Variants in ZBBX observed in about 807,000 individuals in gnomAD.
ZBBX encodes the protein zinc finger B-box domain containing.
In ZBBX, 101 loss-of-function variants were observed where a neutral mutation model predicts 108.5. That is an observed-to-expected ratio of 0.93 (90% CI 0.79 to 1.10). The LOEUF (loss-of-function observed/expected upper bound fraction) is 1.10, where lower values mean the gene tolerates loss of function less well. Among genes scored for constraint, ZBBX ranks in the 50% least tolerant of loss-of-function variants. ZBBX has a pLI of 0.00. For missense variants in ZBBX, 1,009 were observed against 941.4 expected (o/e 1.07, Z -0.94); for synonymous variants, 356 against 323.4 (o/e 1.10, Z -1.08).
At chr3:167,354,692 GC>G (rs1743231779) in intron 8 of ZBBX, among the ~76,000 whole-genome samples, 2 of 151,702 alleles carry the variant, frequency 1.3e-5, no homozygotes, top group African/African-American at 4.8e-5. Flanking sequence ...AATATATTCT[GC>G]ATAATTTTTA....
intron 6 of ZBBX, among the ~76,000 whole-genome samples, chr3:167,361,622 C>T (rs1420482710): frequency 6.6e-6 from 1 of 152,066 alleles, no homozygotes; most frequent in Non-Finnish European, 1.5e-5. Flanking sequence ...TTCAAAGGGG[C>T]AGTTATTTTT....
chr3:167,181,050 A>C, the ZBBX span, among the ~76,000 whole-genome samples: 2 of 152,156 alleles, frequency 1.3e-5, no homozygotes, highest in Admixed American at 6.5e-5. Context: ...GTTAGTGGCT[A>C]TTGTTCTATC....
intron 8 of ZBBX, among the ~76,000 whole-genome samples, chr3:167,358,371 G>T (rs1023699043): frequency 2.6e-5 from 4 of 151,856 alleles, no homozygotes; most frequent in Non-Finnish European, 4.4e-5. Context: ...CTAGGGGATG[G>T]GGGGAATGGG....
the ZBBX span, among the ~76,000 whole-genome samples, chr3:167,193,134 T>C: frequency 1.3e-5 from 2 of 152,174 alleles, no homozygotes; most frequent in South Asian, 2.1e-4. Flanking sequence ...TCAGAGATTC[T>C]CTGTAATTTA....
the ZBBX span, among the ~76,000 whole-genome samples, chr3:167,225,216 C>G: frequency 1.3e-5 from 2 of 151,926 alleles, no homozygotes. Flanking sequence ...TGAGTTTCCA[C>G]TAGACACGTG....
At chr3:167,288,839 G>A (rs1560076743) in intron 19 of ZBBX, 28 bp downstream of exon 19, 1 of 1,464,300 alleles carries the variant, frequency 6.8e-7, no homozygotes, top group Non-Finnish European at 9.2e-7. Context: ...CTGCCAACAT[G>A]GCACTGCTGC....
chr3:167,341,999 G>A lies in ZBBX; in HGVS notation c.529-8014C>T, dbSNP rs568181934. 2.6e-5 allele frequency among the ~76,000 whole-genome samples: 4 copies of A among 151,402 alleles called. No individual in the cohort carries two copies. The South Asian group carries it at 8.3e-4, about 31-fold the overall frequency. On this transcript the variant is annotated intron_variant, in intron 9 of 21. Coordinates refer to ENST00000675490, the MANE Select transcript of ZBBX (RefSeq NM_001199201.2). ...TACTGTAAAATTTGTCAGATTCCAT[G>A]AAAAAAATCATGAGCTCATTTGAGC... is the stretch of plus-strand genomic sequence containing the variant.
chr3:167,314,188 C>G, intron 15 of ZBBX, 72 bp from the exon 16 acceptor site: 4 of 1,337,056 alleles, frequency 3.0e-6, no homozygotes, highest in Non-Finnish European at 4.0e-6. Flanking sequence ...TTAAAAGTCC[C>G]AAGTCATTAA....
chr3:167,285,361 T>C (rs1213426327), intron 19 of ZBBX, among the ~76,000 whole-genome samples: 1 of 152,154 alleles, frequency 6.6e-6, no homozygotes, highest in Admixed American at 6.5e-5. Context: ...AATATTCTTA[T>C]CAAAGGACCC....
At chr3:167,263,581 T>C (rs1471381911) in intron 20 of ZBBX, among the ~76,000 whole-genome samples, 1 of 152,240 alleles carries the variant, frequency 6.6e-6, no homozygotes, top group African/African-American at 2.4e-5. Flanking sequence ...TCAGAGAATA[T>C]TCTTGACATT....
At chr3:167,293,600 G>A (rs1207477813) in intron 18 of ZBBX, among the ~76,000 whole-genome samples, 1 of 152,110 alleles carries the variant, frequency 6.6e-6, no homozygotes, top group Non-Finnish European at 1.5e-5. Flanking sequence ...TATGGAATGG[G>A]CAAAACCTGG....
intron 12 of ZBBX, 134 bp from the exon 13 acceptor site, chr3:167,317,731 C>A: frequency 3.9e-6 from 2 of 516,088 alleles, no homozygotes; most frequent in South Asian, 3.3e-5. Flanking sequence ...ACCTTTAATT[C>A]AAAGATAAGT....
At chr3:167,307,997 G>A (rs781410006) in intron 16 of ZBBX, among the ~76,000 whole-genome samples, 53 of 152,214 alleles carry the variant, frequency 3.5e-4, no homozygotes, top group Non-Finnish European at 6.3e-4. Context: ...TCTGTACAGT[G>A]AAAGAAACTA....
At chr3:167,403,339 G>A (rs969590988) in intron 1 of ZBBX, among the ~76,000 whole-genome samples, 31 of 151,870 alleles carry the variant, frequency 2.0e-4, no homozygotes, top group Admixed American at 2.0e-3. Flanking sequence ...CAAAACTAAA[G>A]GTAAAATACA....
chr3:167,273,011 G>C (rs1203193419), intron 20 of ZBBX, among the ~76,000 whole-genome samples: 1 of 152,022 alleles, frequency 6.6e-6, no homozygotes, highest in South Asian at 2.1e-4. Context: ...ACTTTAAGTC[G>C]CTTCTATAAC....
chr3:167,333,917 A>G lies in ZBBX; in HGVS notation c.597T>C (p.Asp199=). 1 of 1,612,454 alleles carries G rather than the reference A, an allele frequency of 6.2e-7. No individual in the cohort carries two copies. Among genetic ancestry groups the G allele is most frequent in the Non-Finnish European group, 8.5e-7 (1 of 1,179,064 alleles). The change falls in exon 10 of 22, where the codon GAT becomes GAC. Residue 199 remains aspartate (D), a synonymous_variant. Transcript: ENST00000675490. ...AHQFIKDVNP[D]EPKEENNSTK... is the part of the protein sequence containing the mutation. ...TAGAATTATTCTCCTCTTTGGGTTC[A>G]TCTGGATTAACATCCTTTATAAACT...
chr3:167,284,192 C>CTA (rs71632466), intron 19 of ZBBX, among the ~76,000 whole-genome samples: 2,711 of 108,130 alleles, frequency 0.025, 77 homozygotes, highest in African/African-American at 0.083. Context: ...ATATCTATAT[C>CTA]TATATATATA....
In ZBBX at chr3:167,367,230, C is replaced by A. The variant is rs77139449; in HGVS notation, c.182+1231G>T. Reference sequence around the variant, plus strand: ...GTAGGAAAAGATTATGAACTTTTGACACCTATTTGGAAGACAATTTCTCAA... The same window carrying A: ...GTAGGAAAAGATTATGAACTTTTGAAACCTATTTGGAAGACAATTTCTCAA... On this transcript the variant is annotated intron_variant, in intron 5 of 21. Transcript: ENST00000675490. Among the ~76,000 whole-genome samples the A allele has an allele frequency of 7.4e-3, 1,118 of 151,876 alleles. 13 individuals are homozygous for A. The highest frequency in any genetic ancestry group is 0.026 in the African/African-American group (1,062 of 41,496).
chr3:167,352,397 T>A (rs1264936756), intron 8 of ZBBX, among the ~76,000 whole-genome samples: 5 of 151,910 alleles, frequency 3.3e-5, no homozygotes, highest in Non-Finnish European at 7.4e-5. Context: ...AATGAATAAA[T>A]TCCTGGAAAC....
Sources: allele counts gnomAD v4.1 joint callset (sites outside exome capture counted in the v4.1 genomes callset), GRCh38; gene constraint gnomAD v4.1.1; transcripts MANE v1.5; gene names NCBI Gene and HGNC (gene_info 2026-07-23, HGNC 2026-07-21).